CHD7: variants seen among roughly 807,000 people sequenced by gnomAD.
CHD7 encodes the protein chromodomain helicase DNA binding protein 7, also known as ATP-dependent chromatin remodeler CHD7.
Under a neutral mutation model 307.3 loss-of-function variants are expected in CHD7, and 24 were observed. The ratio of observed to expected loss-of-function variants is 0.08; its 90% confidence interval spans 0.06 to 0.11. The LOEUF (loss-of-function observed/expected upper bound fraction) is 0.11. Ranked by LOEUF, CHD7 falls within the 10% of genes least tolerant of loss-of-function variation. The probability of loss-of-function intolerance (pLI) is 1.00; values close to 1 mark genes in which losing one functional copy is unlikely to be tolerated. For missense variants in CHD7, 3,106 were observed against 3,727.1 expected (o/e 0.83, Z 4.34); for synonymous variants, 1,363 against 1,349.9 (o/e 1.01, Z -0.21).
At chr8:60,857,581 A>G (rs1318860878) in intron 34 of CHD7, among the ~76,000 whole-genome samples, 1 of 152,196 alleles carries the variant, frequency 6.6e-6, no homozygotes, top group African/African-American at 2.4e-5. Flanking sequence ...AGCACTATAT[A>G]TCTTGAACCT....
Position 60,865,549 on chromosome 8 carries a change from G to A in CHD7, c.8610G>A (p.Ala2870=), listed in dbSNP as rs375459176. 6.8e-6 allele frequency: 11 copies of A among 1,613,926 alleles called. No homozygotes were observed. The highest frequency in any genetic ancestry group is 5.3e-5 in the African/African-American group (4 of 74,936). Residue 2870 remains alanine (A), a synonymous_variant, in exon 38 of 38, where the codon GCG becomes GCA. Coordinates refer to ENST00000423902, the MANE Select transcript of CHD7 (RefSeq NM_017780.4). This position sits in a 1 kb window ranked among gnomAD's most constrained non-coding sequence, Gnocchi z 4.3. ...STDAVSAADS[A]NGSVGAATAP... The stretch of plus-strand genomic sequence containing the variant: ...ATGCTGTTTCGGCTGCTGACTCTGC[G>A]AATGGATCTGTTGGTGCTGCTACTG...
At chr8:60,701,277 C>T (rs557178731) in intron 1 of CHD7, among the ~76,000 whole-genome samples, 5 of 152,276 alleles carry the variant, frequency 3.3e-5, no homozygotes, top group East Asian at 1.9e-4. Context: ...GAAGAGATCC[C>T]GGCTCAGATC....
chr8:60,821,623 T>TAC (rs892732611), intron 9 of CHD7, among the ~76,000 whole-genome samples, 167 bp from the exon 10 acceptor site: 3 of 150,474 alleles, frequency 2.0e-5, no homozygotes, highest in East Asian at 1.9e-4. Flanking sequence ...AACATATATA[T>TAC]ACATATGTAT....
chr8:60,858,829 CA>C (rs1805836234), intron 34 of CHD7, among the ~76,000 whole-genome samples: 1 of 152,170 alleles, frequency 6.6e-6, no homozygotes, highest in Admixed American at 6.5e-5. Flanking sequence ...AGGCTGGTCT[CA>C]AACTTCTGGG....
chr8:60,717,374 T>C (rs578230792), intron 1 of CHD7, among the ~76,000 whole-genome samples: 1 of 152,274 alleles, frequency 6.6e-6, no homozygotes, highest in East Asian at 1.9e-4. Flanking sequence ...ACAAAGTTAT[T>C]TCACATTTTT....
chr8:60,753,028 C>G (rs146116256), intron 2 of CHD7, among the ~76,000 whole-genome samples: 2 of 152,222 alleles, frequency 1.3e-5, no homozygotes, highest in Admixed American at 1.3e-4. Flanking sequence ...TGGCCCATTA[C>G]TAAGCTAACT....
chr8:60,826,464 C>T (rs905302140), intron 13 of CHD7, among the ~76,000 whole-genome samples: 3 of 152,200 alleles, frequency 2.0e-5, no homozygotes, highest in Non-Finnish European at 4.4e-5. Context: ...CCACTTTCTA[C>T]TTTTTATTCT....
rs150588182 is a variant in CHD7 at position 60,767,535 on chromosome 8, C to G, written c.1666-13465C>G. Among the ~76,000 whole-genome samples the G allele has an allele frequency of 1.3e-3, 204 of 152,326 alleles. 2 individuals are homozygous for G. The highest frequency in any genetic ancestry group is 4.5e-3 in the African/African-American group (187 of 41,570). ...TGCAGAGCTTGCCTTGGCTGGTGCT[C>G]AGTGGCTGCCGAAGCTCATGGCACT... On this transcript the variant is annotated intron_variant, in intron 2 of 37. Coordinates refer to ENST00000423902, the MANE Select transcript of CHD7 (RefSeq NM_017780.4).
chr8:60,822,432 AT>A (rs1203443157), intron 11 of CHD7, 70 bp from the exon 12 acceptor site: 3 of 1,448,922 alleles, frequency 2.1e-6, no homozygotes, highest in South Asian at 1.3e-5. Flanking sequence ...AATGGTATAT[AT>A]TTTGTGAAAT....
In CHD7 at chr8:60,841,748, T is replaced by C. The variant is rs750598425; in HGVS notation, c.4638T>C (p.Asn1546=). 3.5e-5 allele frequency: 57 copies of C among 1,605,738 alleles called. No individual in the cohort carries two copies. Among genetic ancestry groups the C allele is most frequent in the Non-Finnish European group, 4.8e-5 (56 of 1,172,746 alleles). The change falls in exon 20 of 38, where the codon AAT becomes AAC. Residue 1546 remains asparagine (N), a synonymous_variant. Transcript: ENST00000423902. The part of the protein sequence containing the change: ...KKAELDIDAL[N]GRNNLVIDTP... ...CTGAATTGGATATTGATGCCTTAAA[T>C]GGGAGGGTGAGTAAGAAGTCCCATT...
Position 60,850,554 on chromosome 8 carries a change from T to C in CHD7, c.5466T>C (p.Gly1822=). 6.2e-7 allele frequency: 1 copy of C among 1,613,490 alleles called. No individual in the cohort carries two copies. The highest frequency in any genetic ancestry group is 1.1e-5 in the South Asian group (1 of 90,906). ...DPALCFLERV[G]MPDAKAIAAE... is the part of the protein sequence containing the mutation. The stretch of plus-strand genomic sequence containing the variant: ...CGCTGTGCTTTCTGGAACGAGTCGG[T>C]ATGCCTGATGCCAAGGCCATAGCTG... Residue 1822 remains glycine (G), a synonymous_variant, in exon 26 of 38, where the codon GGT becomes GGC. Transcript: ENST00000423902.
intron 1 of CHD7, among the ~76,000 whole-genome samples, chr8:60,715,237 A>G (rs1051195289): frequency 1.3e-5 from 2 of 151,736 alleles, no homozygotes; most frequent in Non-Finnish European, 2.9e-5. Context: ...GGCTAGATGA[A>G]CCATCGCTGG....
At position 60,853,194 on chromosome 8, in the gene CHD7, A is replaced by G. The variant is rs886063039; in HGVS notation, c.6469A>G (p.Ile2157Val). 2 of 1,613,940 alleles carry G rather than the reference A, an allele frequency of 1.2e-6. No homozygotes were observed. The highest frequency in any genetic ancestry group is 2.2e-5 in the East Asian group (1 of 44,884). The change falls in exon 31 of 38, where the codon ATC becomes GTC. Residue 2157 changes from isoleucine to valine, a missense_variant. Transcript: ENST00000423902. ...TGGATTTGTCCAGACTCCTCCAGTC[A>G]TCTCATCTGCTCATATTCAAGATGA... The part of the protein sequence containing the change: ...AVGFVQTPPV[I>V]SSAHIQDERV...
At chr8:60,852,764 A>T in intron 30 of CHD7, 58 bp downstream of exon 30, 1 of 1,610,682 alleles carries the variant, frequency 6.2e-7, no homozygotes, top group South Asian at 1.1e-5. Flanking sequence ...GAAAAATAAG[A>T]AAGTGTACAA....
At chr8:60,713,886 A>AT (rs35584861) in intron 1 of CHD7, among the ~76,000 whole-genome samples, 14,641 of 139,526 alleles carry the variant, frequency 0.1, 1,512 homozygotes, top group African/African-American at 0.27. Flanking sequence ...TTTCGATGTG[A>AT]TTTTTTTCCT....
Position 60,865,268 on chromosome 8 carries a change from C to A in CHD7, c.8329C>A (p.Pro2777Thr). 6.2e-7 allele frequency: 1 copy of A among 1,607,740 alleles called. No homozygotes were observed. Among genetic ancestry groups the A allele is most frequent in the East Asian group, 2.2e-5 (1 of 44,656 alleles). The change falls in exon 38 of 38, where the codon CCA (proline) becomes ACA (threonine). Residue 2777 changes from proline to threonine, a missense_variant. Physicochemically the swap from Pro to Thr is conservative, Grantham distance 38. Transcript: ENST00000423902. This position sits in a 1 kb window ranked among gnomAD's most constrained non-coding sequence, Gnocchi z 4.3. ...GCTGGCAGGCCTCATGGGCTTCCCT[C>A]CAGGACTGGCAACAGCTGCCACCGC... Reference protein sequence around the residue: ...LQLAGLMGFPPGLATAATAGG... With the variant: ...LQLAGLMGFPTGLATAATAGG...
At chr8:60,835,629 T>G (rs1804707684) in intron 15 of CHD7, among the ~76,000 whole-genome samples, 1 of 152,248 alleles carries the variant, frequency 6.6e-6, no homozygotes, top group Non-Finnish European at 1.5e-5. Flanking sequence ...CTGTAATTGT[T>G]AGGACTCTAT....
At chr8:60,802,887 A>G (rs954567098) in intron 6 of CHD7, among the ~76,000 whole-genome samples, 5 of 152,204 alleles carry the variant, frequency 3.3e-5, no homozygotes, top group Non-Finnish European at 7.4e-5. Context: ...GTGTGATTCA[A>G]GGTATGAATT....
intron 1 of CHD7, among the ~76,000 whole-genome samples, chr8:60,688,563 C>T (rs1412741439): frequency 1.3e-5 from 2 of 152,080 alleles, no homozygotes; most frequent in African/African-American, 4.8e-5. Flanking sequence ...TCAGTGCAAC[C>T]AGATGTTATT....
Sources: allele counts gnomAD v4.1 joint callset (sites outside exome capture counted in the v4.1 genomes callset), GRCh38; gene constraint gnomAD v4.1.1; non-coding constraint Gnocchi (gnomAD v3.1); transcripts MANE v1.5; gene names NCBI Gene and HGNC (gene_info 2026-07-23, HGNC 2026-07-21).